The following CLYBL variants were observed in gnomAD, a reference collection of about 807,000 sequenced individuals.
CLYBL encodes the protein citramalyl-CoA lyase.
In CLYBL, 31 loss-of-function variants were observed where a neutral mutation model predicts 38.9. The observed-to-expected ratio is 0.80, with a 90% CI of 0.60 to 1.08. The LOEUF is 1.08. CLYBL is among the 50% of genes least tolerant of loss of function. CLYBL has a pLI of 0.00. For synonymous variants in CLYBL, 171 were observed against 158.6 expected, an observed-to-expected ratio of 1.08 and a Z score of -0.59; for missense variants, 434 against 411.6, an observed-to-expected ratio of 1.05 and a Z score of -0.47.
rs574605450 is a variant in CLYBL at position 99,852,246 on chromosome 13, T to A, written c.250-6615T>A. On this transcript the variant is annotated intron_variant, in intron 2 of 8. Coordinates refer to ENST00000339105, the MANE Select transcript of CLYBL (RefSeq NM_206808.5). ...TTTCGGGGTGATACATACCTTCTTT[T>A]TTTGTTGTTTTTGAGACAGTCTTGC... Among the ~76,000 whole-genome samples the A allele has an allele frequency of 5.3e-5, 8 of 152,278 alleles. No individual in the cohort carries two copies. In the East Asian group the frequency reaches 1.2e-3, roughly 22 times the overall value.
chr13:99,739,455 C>G (rs903231015), intron 1 of CLYBL, among the ~76,000 whole-genome samples: 2 of 152,206 alleles, frequency 1.3e-5, no homozygotes, highest in Non-Finnish European at 2.9e-5. Context: ...CCCAAGGTGC[C>G]TTTCTGCCTC....
intron 1 of CLYBL, among the ~76,000 whole-genome samples, chr13:99,626,272 G>A (rs1388119193): frequency 6.6e-6 from 1 of 152,212 alleles, no homozygotes; most frequent in African/African-American, 2.4e-5. Flanking sequence ...GCCCGGTAGG[G>A]GAGTTATGAG....
intron 1 of CLYBL, among the ~76,000 whole-genome samples, chr13:99,638,488 T>A (rs185352957): frequency 1.5e-3 from 234 of 152,368 alleles, no homozygotes; most frequent in Non-Finnish European, 2.3e-3. Context: ...TAACTACCTA[T>A]TGTGTTTCAG....
chr13:99,625,040 T>G (rs1421093413), intron 1 of CLYBL, among the ~76,000 whole-genome samples: 1 of 152,226 alleles, frequency 6.6e-6, no homozygotes, highest in Non-Finnish European at 1.5e-5. Flanking sequence ...CTCAGTTCTG[T>G]TCCCTCCTTA....
chr13:99,804,152 A>C (rs1225317428), intron 2 of CLYBL, among the ~76,000 whole-genome samples: 14 of 152,252 alleles, frequency 9.2e-5, no homozygotes. Context: ...TAACTGTCTG[A>C]GAATTAGCAG....
At chr13:99,847,471 G>C (rs1038370655) in intron 2 of CLYBL, among the ~76,000 whole-genome samples, 1 of 152,206 alleles carries the variant, frequency 6.6e-6, no homozygotes, top group Non-Finnish European at 1.5e-5. Context: ...AGTTAAGAGG[G>C]AGAGAGCAGC....
chr13:99,761,363 T>A (rs1594165461), intron 1 of CLYBL, among the ~76,000 whole-genome samples: 5 of 152,034 alleles, frequency 3.3e-5, no homozygotes, highest in South Asian at 2.1e-4. Context: ...AAGAAAAAAA[T>A]ATATATTTTC....
intron 2 of CLYBL, among the ~76,000 whole-genome samples, chr13:99,792,593 AC>A (rs1422383239): frequency 7.8e-6 from 1 of 129,032 alleles, no homozygotes; most frequent in Non-Finnish European, 1.6e-5. Flanking sequence ...CCTACGCCCC[AC>A]CCCTGGAGTT....
At chr13:99,789,457 C>T (rs1235866884) in intron 2 of CLYBL, among the ~76,000 whole-genome samples, 3 of 152,042 alleles carry the variant, frequency 2.0e-5, no homozygotes, top group Non-Finnish European at 4.4e-5. Context: ...CGTTATGTAC[C>T]CAGTAGTCAT....
At chr13:99,681,825 A>G (rs2047739064) in intron 1 of CLYBL, among the ~76,000 whole-genome samples, 1 of 152,028 alleles carries the variant, frequency 6.6e-6, no homozygotes, top group Non-Finnish European at 1.5e-5. Flanking sequence ...ACCTCAAGTG[A>G]TCCACCTGTC....
At chr13:99,885,870 G>C (rs2052337317) in intron 7 of CLYBL, among the ~76,000 whole-genome samples, 1 of 152,150 alleles carries the variant, frequency 6.6e-6, no homozygotes, top group African/African-American at 2.4e-5. Context: ...TGACCTCGTA[G>C]GTAAGGAGGA....
chr13:99,802,258 A>T (rs1299454635), intron 2 of CLYBL, among the ~76,000 whole-genome samples: 1 of 152,156 alleles, frequency 6.6e-6, no homozygotes, highest in African/African-American at 2.4e-5. Flanking sequence ...ATGACCAAGA[A>T]AGAAATCATC....
intron 1 of CLYBL, among the ~76,000 whole-genome samples, chr13:99,697,771 C>T (rs780701983): frequency 2.2e-4 from 32 of 148,570 alleles, no homozygotes; most frequent in Admixed American, 3.4e-4. Context: ...CTCAGCCTCT[C>T]GAGCAGCTGG....
intron 1 of CLYBL, among the ~76,000 whole-genome samples, chr13:99,671,791 A>AT (rs200506696): frequency 0.012 from 1,542 of 130,868 alleles, 18 homozygotes; most frequent in African/African-American, 0.031. Context: ...AAAAAAAAAA[A>AT]AAAATAATAA....
chr13:99,884,407 C>T (rs1037923905), intron 7 of CLYBL, among the ~76,000 whole-genome samples: 10 of 152,256 alleles, frequency 6.6e-5, no homozygotes, highest in Admixed American at 5.2e-4. Flanking sequence ...TCCTTCCCTC[C>T]TCCTGACCCT....
intron 1 of CLYBL, among the ~76,000 whole-genome samples, chr13:99,695,507 T>C (rs1296460836): frequency 6.6e-6 from 1 of 152,102 alleles, no homozygotes; most frequent in Non-Finnish European, 1.5e-5. Flanking sequence ...TTGGTGTTCC[T>C]GTGTGACATT....
At chr13:99,761,210 G>A (rs9557291) in intron 1 of CLYBL, among the ~76,000 whole-genome samples, 45,949 of 151,938 alleles carry the variant, frequency 0.3, 8,138 homozygotes, top group Middle Eastern at 0.43. Flanking sequence ...AAAATTAGCC[G>A]GGCGTGGTGG....
chr13:99,642,112 A>G (rs2047104064), intron 1 of CLYBL, among the ~76,000 whole-genome samples: 1 of 152,196 alleles, frequency 6.6e-6, no homozygotes, highest in African/African-American at 2.4e-5. Flanking sequence ...GGAAAGAGGA[A>G]TCTGAGGGAT....
At chr13:99,689,541 A>T (rs1384813428) in intron 1 of CLYBL, among the ~76,000 whole-genome samples, 1 of 152,264 alleles carries the variant, frequency 6.6e-6, no homozygotes, top group Non-Finnish European at 1.5e-5. Flanking sequence ...ATGAAGGAGC[A>T]TGATTGAAAT....
Sources: allele counts gnomAD v4.1 joint callset (sites outside exome capture counted in the v4.1 genomes callset), GRCh38; gene constraint gnomAD v4.1.1; transcripts MANE v1.5; gene names NCBI Gene and HGNC (gene_info 2026-07-23, HGNC 2026-07-21).